The following CIMIP3 variants were observed in gnomAD, a reference collection of about 807,000 sequenced individuals.
CIMIP3 encodes the protein ciliary microtubule inner protein 3.
the CIMIP3 span, among the ~76,000 whole-genome samples, chr6:42,156,877 CT>C: frequency 6.6e-6 from 1 of 152,246 alleles, no homozygotes; most frequent in Admixed American, 6.5e-5. Flanking sequence ...CCACGTGCCC[CT>C]GGGGGCCCTC....
the CIMIP3 span, chr6:42,163,223 G>A: frequency 3.4e-6 from 2 of 592,280 alleles, no homozygotes; most frequent in Non-Finnish European, 6.2e-6. Context: ...TGTGCCTCCT[G>A]CCAACTTGGT....
the CIMIP3 span, among the ~76,000 whole-genome samples, chr6:42,160,339 C>G: frequency 6.6e-6 from 1 of 152,138 alleles, no homozygotes; most frequent in African/African-American, 2.4e-5. Flanking sequence ...AGTGCTTGCC[C>G]CTCTGCCTAT....
chr6:42,158,223 C>G, the CIMIP3 span, among the ~76,000 whole-genome samples: 1 of 152,266 alleles, frequency 6.6e-6, no homozygotes, highest in Non-Finnish European at 1.5e-5. Flanking sequence ...GCCCCACCCT[C>G]AGCCAGAGCT....
At chr6:42,156,801 G>A in the CIMIP3 span, among the ~76,000 whole-genome samples, 1 of 152,240 alleles carries the variant, frequency 6.6e-6, no homozygotes, top group African/African-American at 2.4e-5. Context: ...CGCCTGACCT[G>A]TAAGAACAGG....
chr6:42,155,584 C>T, the CIMIP3 span: 16 of 717,444 alleles, frequency 2.2e-5, no homozygotes, highest in African/African-American at 3.5e-5. Context: ...CTCACATGTG[C>T]GGCTGGGAGG....
At chr6:42,160,513 T>A in the CIMIP3 span, among the ~76,000 whole-genome samples, 2 of 152,180 alleles carry the variant, frequency 1.3e-5, no homozygotes, top group Non-Finnish European at 2.9e-5. Flanking sequence ...TGTTGGGACT[T>A]TAGCAAAGGA....
chr6:42,157,569 T>TTA, the CIMIP3 span, among the ~76,000 whole-genome samples: 1 of 151,528 alleles, frequency 6.6e-6, no homozygotes, highest in Admixed American at 6.6e-5. Flanking sequence ...TTTTTTTTTT[T>TTA]AATAGAGATG....
At chr6:42,157,761 G>T in the CIMIP3 span, among the ~76,000 whole-genome samples, 2 of 152,096 alleles carry the variant, frequency 1.3e-5, no homozygotes, top group Non-Finnish European at 2.9e-5. Context: ...TAGGATCATG[G>T]GATTCCCAAG....
At chr6:42,160,000 T>C in the CIMIP3 span, among the ~76,000 whole-genome samples, 1 of 152,182 alleles carries the variant, frequency 6.6e-6, no homozygotes, top group Non-Finnish European at 1.5e-5. Flanking sequence ...CTTTTGTTTT[T>C]TTTGAGATGG....
At chr6:42,158,023 G>A in the CIMIP3 span, among the ~76,000 whole-genome samples, 1 of 152,174 alleles carries the variant, frequency 6.6e-6, no homozygotes, top group Admixed American at 6.5e-5. Flanking sequence ...CACACTGTGT[G>A]ACAACCCAAA....
chr6:42,163,201 C>T, the CIMIP3 span: 8 of 598,676 alleles, frequency 1.3e-5, no homozygotes, highest in Non-Finnish European at 2.2e-5. Context: ...ACCACACCCG[C>T]AAGCGCTTTG....
chr6:42,155,541 T>G, the CIMIP3 span: 6 of 717,306 alleles, frequency 8.4e-6, no homozygotes, highest in Non-Finnish European at 1.6e-5. Flanking sequence ...AGAAGCCTGA[T>G]GGGCAGGAAA....
the CIMIP3 span, among the ~76,000 whole-genome samples, chr6:42,162,244 T>A: frequency 1.3e-5 from 2 of 151,470 alleles, no homozygotes; most frequent in African/African-American, 4.9e-5. Flanking sequence ...TGAAACCCCA[T>A]CTGTACTAAA....
At chr6:42,157,329 ACCT>A in the CIMIP3 span, among the ~76,000 whole-genome samples, 1 of 151,638 alleles carries the variant, frequency 6.6e-6, no homozygotes, top group Non-Finnish European at 1.5e-5. Flanking sequence ...CCTCCCTGTA[ACCT>A]CCTCCTCCCT....
chr6:42,159,471 T>C, the CIMIP3 span, among the ~76,000 whole-genome samples: 2 of 152,198 alleles, frequency 1.3e-5, no homozygotes. Context: ...TGCTAAGAGA[T>C]GGTGATTCAT....
chr6:42,163,267 G>A, the CIMIP3 span: 1 of 549,638 alleles, frequency 1.8e-6, no homozygotes, highest in Non-Finnish European at 3.3e-6. Flanking sequence ...CCAAACGGAA[G>A]CCCCCGACCC....
the CIMIP3 span, among the ~76,000 whole-genome samples, chr6:42,160,181 G>T: frequency 6.6e-6 from 1 of 151,872 alleles, no homozygotes; most frequent in Non-Finnish European, 1.5e-5. Context: ...TAGAGACAAG[G>T]TCTCCCCATG....
At chr6:42,162,632 G>C in the CIMIP3 span, among the ~76,000 whole-genome samples, 1 of 151,906 alleles carries the variant, frequency 6.6e-6, no homozygotes, top group Admixed American at 6.5e-5. Flanking sequence ...GCAGGGAAGG[G>C]GGGTGGGGAG....
At chr6:42,163,257 C>T in the CIMIP3 span, 1 of 560,814 alleles carries the variant, frequency 1.8e-6, no homozygotes, top group Admixed American at 3.2e-5. Flanking sequence ...TAGGCCTGAG[C>T]CAAACGGAAG....
Sources: allele counts gnomAD v4.1 joint callset (sites outside exome capture counted in the v4.1 genomes callset), GRCh38; gene constraint gnomAD v4.1.1; transcripts MANE v1.5; gene names NCBI Gene and HGNC (gene_info 2026-07-23, HGNC 2026-07-21).